Variants in ZSWIM5 observed in about 807,000 individuals in gnomAD.
ZSWIM5 encodes zinc finger SWIM-type containing 5.
Under a neutral mutation model 119.6 loss-of-function variants are expected in ZSWIM5, and 55 were observed. That is an observed-to-expected ratio of 0.46 (90% CI 0.37 to 0.58). ZSWIM5 has a LOEUF of 0.58. Ranked by LOEUF, ZSWIM5 falls within the 20% of genes least tolerant of loss-of-function variation. The probability of loss-of-function intolerance (pLI) is 0.00; values close to 1 mark genes in which losing one functional copy is unlikely to be tolerated. For missense variants in ZSWIM5, 1,193 were observed against 1,512.8 expected, an observed-to-expected ratio of 0.79 and a Z score of 3.51; for synonymous variants, 537 against 606.9, an observed-to-expected ratio of 0.88 and a Z score of 1.69.
intron 2 of ZSWIM5, among the ~76,000 whole-genome samples, chr1:45,084,091 G>T (rs988428272): frequency 6.6e-6 from 1 of 152,074 alleles, no homozygotes; most frequent in Non-Finnish European, 1.5e-5. Flanking sequence ...TGAATTTTTT[G>T]TGGAGACAGG....
At chr1:45,069,201 T>G (rs570657339) in intron 2 of ZSWIM5, among the ~76,000 whole-genome samples, 1 of 151,832 alleles carries the variant, frequency 6.6e-6, no homozygotes, top group Admixed American at 6.6e-5. Context: ...CCGAGGTGGG[T>G]GGATCACAAG....
intron 1 of ZSWIM5, among the ~76,000 whole-genome samples, chr1:45,091,491 TA>T (rs35089745): frequency 0.66 from 68,533 of 104,316 alleles, 21,689 homozygotes; most frequent in African/African-American, 0.71. Flanking sequence ...ACCCTGTCTC[TA>T]AAAAAAAAAA....
intron 1 of ZSWIM5, among the ~76,000 whole-genome samples, chr1:45,105,231 C>T (rs944928399): frequency 1.3e-5 from 2 of 152,186 alleles, no homozygotes; most frequent in African/African-American, 2.4e-5. Context: ...GGATTGCAGA[C>T]GGAGTCTCGC....
intron 1 of ZSWIM5, among the ~76,000 whole-genome samples, chr1:45,197,988 C>T (rs1646136014): frequency 6.6e-6 from 1 of 152,222 alleles, no homozygotes; most frequent in Non-Finnish European, 1.5e-5. Context: ...AAGGATCCAT[C>T]ACGATGCTGA....
intron 1 of ZSWIM5, among the ~76,000 whole-genome samples, chr1:45,172,120 T>G (rs1417928752): frequency 6.6e-6 from 1 of 152,004 alleles, no homozygotes; most frequent in Non-Finnish European, 1.5e-5. Flanking sequence ...TGAACTCAGA[T>G]GTAATGTTCA....
At chr1:45,152,232 G>T (rs1239617592) in intron 1 of ZSWIM5, among the ~76,000 whole-genome samples, 1 of 152,038 alleles carries the variant, frequency 6.6e-6, no homozygotes, top group African/African-American at 2.4e-5. Flanking sequence ...TTTTCAGAAA[G>T]ATCTGACCAA....
intron 1 of ZSWIM5, among the ~76,000 whole-genome samples, chr1:45,188,230 G>C (rs534612436): frequency 1.3e-5 from 2 of 151,764 alleles, no homozygotes; most frequent in Non-Finnish European, 1.5e-5. Context: ...AACAAAATGT[G>C]GTATATCCAT....
At position 45,202,813 on chromosome 1, in the gene ZSWIM5, T is replaced by C. The variant is rs1422058681; in HGVS notation, c.595+2943A>G. On this transcript the variant is annotated intron_variant, in intron 1 of 13. Transcript: ENST00000359600. ...GTTTTACCAAATACAAAGAAATCAATTTAAAATACAGTGGATAGCAAAAGG... is the reference window on the plus strand; with the variant it reads ...GTTTTACCAAATACAAAGAAATCAACTTAAAATACAGTGGATAGCAAAAGG... Among the ~76,000 whole-genome samples, 6 of 152,184 alleles carry C rather than the reference T, an allele frequency of 3.9e-5. No homozygotes were observed. In the East Asian group the frequency reaches 1.2e-3, roughly 29 times the overall value.
At chr1:45,065,063 A>G (rs1345037045) in intron 2 of ZSWIM5, among the ~76,000 whole-genome samples, 1 of 152,246 alleles carries the variant, frequency 6.6e-6, no homozygotes, top group African/African-American at 2.4e-5. Flanking sequence ...AGTTCTTACC[A>G]GTACAGTGAT....
At chr1:45,070,016 T>C in intron 2 of ZSWIM5, 1 of 766,594 alleles carries the variant, frequency 1.3e-6, no homozygotes, top group South Asian at 1.4e-5. Context: ...TTCTCATGAA[T>C]ACTTGAGTAG....
chr1:45,046,801 G>A (rs1015957823), intron 5 of ZSWIM5, among the ~76,000 whole-genome samples: 11 of 151,854 alleles, frequency 7.2e-5, no homozygotes, highest in African/African-American at 2.2e-4. Flanking sequence ...AGAGGTGAGC[G>A]GATCAGAAGG....
intron 1 of ZSWIM5, among the ~76,000 whole-genome samples, chr1:45,125,080 CA>C (rs1645612303): frequency 6.6e-6 from 1 of 152,126 alleles, no homozygotes; most frequent in Non-Finnish European, 1.5e-5. Context: ...TGCCATCAAC[CA>C]AGAGAATTCA....
intron 1 of ZSWIM5, among the ~76,000 whole-genome samples, chr1:45,174,508 G>A (rs755905711): frequency 1.6e-4 from 24 of 151,284 alleles, no homozygotes; most frequent in Admixed American, 5.3e-4. Flanking sequence ...CGAGGTGGGC[G>A]GATCACTTTA....
intron 1 of ZSWIM5, among the ~76,000 whole-genome samples, chr1:45,153,313 G>T (rs1645808956): frequency 6.6e-6 from 1 of 151,814 alleles, no homozygotes; most frequent in African/African-American, 2.4e-5. Context: ...CCCGAGGTCA[G>T]AAGTTCGAGA....
intron 1 of ZSWIM5, among the ~76,000 whole-genome samples, chr1:45,140,328 A>G (rs1645719223): frequency 6.6e-6 from 1 of 151,886 alleles, no homozygotes; most frequent in African/African-American, 2.4e-5. Flanking sequence ...GTTCCAACAG[A>G]TAGTGTGATC....
intron 1 of ZSWIM5, among the ~76,000 whole-genome samples, chr1:45,136,784 C>T (rs941880547): frequency 6.6e-6 from 1 of 152,110 alleles, no homozygotes; most frequent in African/African-American, 2.4e-5. Context: ...GAATACTAGT[C>T]TATTTTTGGC....
At chr1:45,115,621 C>T (rs2149025563) in intron 1 of ZSWIM5, among the ~76,000 whole-genome samples, 2 of 150,404 alleles carry the variant, frequency 1.3e-5, no homozygotes, top group Middle Eastern at 6.8e-3. Flanking sequence ...GACGGGATGG[C>T]GGCCGGGAAG....
chr1:45,111,704 C>T lies in ZSWIM5; in HGVS notation c.596-23467G>A, dbSNP rs1251063560. 4.6e-5 allele frequency among the ~76,000 whole-genome samples: 7 copies of T among 152,380 alleles called. No homozygotes were observed. The East Asian group carries it at 1.2e-3, about 25-fold the overall frequency. On this transcript the variant is annotated intron_variant, in intron 1 of 13. Coordinates refer to ENST00000359600, the MANE Select transcript of ZSWIM5 (RefSeq NM_020883.2). ...CAATGCCAGCAATGGCTGTATCTTA[C>T]GCTGTATCAATCTGACATTGAATCT...
intron 1 of ZSWIM5, among the ~76,000 whole-genome samples, chr1:45,152,892 T>A (rs1645805681): frequency 6.6e-6 from 1 of 151,300 alleles, no homozygotes. Context: ...TATAAAGAAC[T>A]TAAACAATTC....
Sources: allele counts gnomAD v4.1 joint callset (sites outside exome capture counted in the v4.1 genomes callset), GRCh38; gene constraint gnomAD v4.1.1; transcripts MANE v1.5; gene names NCBI Gene and HGNC (gene_info 2026-07-23, HGNC 2026-07-21).